Variants in CDH13 observed in about 807,000 individuals in gnomAD.
The protein encoded by CDH13 is cadherin 13, also known as cadherin-13.
CDH13 carries 24 observed loss-of-function variants against 63.8 expected under a neutral mutation model. The observed-to-expected ratio is 0.38, with a 90% confidence interval of 0.27 to 0.53. CDH13 has a LOEUF of 0.53. Ranked by LOEUF, CDH13 falls within the 20% of genes least tolerant of loss-of-function variation. The pLI is 0.85. For missense variants in CDH13, 1,049 were observed against 903.1 expected (o/e 1.16, Z -2.07); for synonymous variants, 503 against 355.3 (o/e 1.42, Z -4.67).
At chr16:83,331,192 T>C (rs2090473435) in intron 5 of CDH13, among the ~76,000 whole-genome samples, 1 of 152,116 alleles carries the variant, frequency 6.6e-6, no homozygotes, top group Non-Finnish European at 1.5e-5. Context: ...ATCTCAGCTG[T>C]TTTCTAGTTC....
intron 1 of CDH13, among the ~76,000 whole-genome samples, chr16:82,850,950 C>T (rs1421793254): frequency 6.6e-6 from 1 of 152,136 alleles, no homozygotes; most frequent in African/African-American, 2.4e-5. Flanking sequence ...TTTATATGCA[C>T]TGGGAAGCCA....
chr16:82,832,459 C>G (rs1597736702), intron 1 of CDH13, among the ~76,000 whole-genome samples: 1 of 152,112 alleles, frequency 6.6e-6, no homozygotes, highest in African/African-American at 2.4e-5. Context: ...TCCTCCTTCT[C>G]ATCCTCCTTA....
At chr16:83,202,183 G>T (rs954052428) in intron 4 of CDH13, among the ~76,000 whole-genome samples, 5 of 152,136 alleles carry the variant, frequency 3.3e-5, no homozygotes, top group African/African-American at 1.2e-4. Context: ...CGAAAGAAAT[G>T]ATCTTGCCAG....
chr16:83,765,643 G>C (rs1365029416), intron 11 of CDH13, among the ~76,000 whole-genome samples: 1 of 151,988 alleles, frequency 6.6e-6, no homozygotes, highest in Non-Finnish European at 1.5e-5. Flanking sequence ...CTGATCTTAA[G>C]TTTAAAAACA....
chr16:83,126,777 A>C lies in CDH13; in HGVS notation c.483+1276A>C, dbSNP rs763305048. 2.0e-5 allele frequency among the ~76,000 whole-genome samples: 3 copies of C among 152,340 alleles called. No homozygotes were observed. In the East Asian group the frequency reaches 5.8e-4, roughly 29 times the overall value. ...TCTTAATGGCAGTTGCTGTTGAACT[A>C]CTAATTCATTAAATACACAGTACAT... On this transcript the variant is annotated intron_variant, in intron 4 of 13. Coordinates refer to ENST00000567109, the MANE Select transcript of CDH13 (RefSeq NM_001257.5).
At chr16:83,101,708 C>G (rs2034486664) in intron 3 of CDH13, among the ~76,000 whole-genome samples, 2 of 152,118 alleles carry the variant, frequency 1.3e-5, no homozygotes, top group African/African-American at 2.4e-5. Flanking sequence ...GAAGGATAAT[C>G]AATTGAACCT....
At chr16:83,500,338 C>T (rs1279261318) in intron 7 of CDH13, among the ~76,000 whole-genome samples, 91 of 682 alleles carry the variant, frequency 0.13, 42 homozygotes, top group East Asian at 1. Context: ...TCCTCCTCCT[C>T]CTCCTCCTCC....
chr16:83,242,427 C>T (rs1159082933), intron 5 of CDH13, among the ~76,000 whole-genome samples: 1 of 148,334 alleles, frequency 6.7e-6, no homozygotes, highest in Non-Finnish European at 1.5e-5. Flanking sequence ...CATTTTCTGA[C>T]ATCAAAAGAT....
chr16:83,174,121 C>G (rs929993200), intron 4 of CDH13, among the ~76,000 whole-genome samples: 3 of 152,130 alleles, frequency 2.0e-5, no homozygotes, highest in African/African-American at 4.8e-5. Flanking sequence ...TGGTATCCCT[C>G]TGCAACATTT....
chr16:83,065,564 G>C (rs940621101), intron 3 of CDH13, among the ~76,000 whole-genome samples: 2 of 152,040 alleles, frequency 1.3e-5, no homozygotes, highest in Non-Finnish European at 2.9e-5. Flanking sequence ...AATTAGCCAG[G>C]TGTGGTGGTG....
At chr16:83,084,009 G>A (rs1421137959) in intron 3 of CDH13, among the ~76,000 whole-genome samples, 1 of 152,214 alleles carries the variant, frequency 6.6e-6, no homozygotes, top group African/African-American at 2.4e-5. Context: ...GAAAGCTGCT[G>A]TGGACCTATC....
rs140733999 is a variant in CDH13, at chr16:83,194,129, A to C, written c.484-23216A>C. ...GTTCCAACCTTTGCGAATATGAAGA[A>C]TGGTTTTTCTAAATTATATAATAGT... On this transcript the variant is annotated intron_variant, in intron 4 of 13. Coordinates refer to ENST00000567109, the MANE Select transcript of CDH13 (RefSeq NM_001257.5). Among the ~76,000 whole-genome samples, 189 of 152,310 alleles carry C rather than the reference A, an allele frequency of 1.2e-3. 2 individuals are homozygous for C. Among genetic ancestry groups the C allele is most frequent in the African/African-American group, 4.4e-3 (183 of 41,570 alleles).
intron 1 of CDH13, among the ~76,000 whole-genome samples, chr16:82,791,472 G>C (rs1364856460): frequency 1.3e-5 from 2 of 152,222 alleles, no homozygotes; most frequent in African/African-American, 2.4e-5. Flanking sequence ...TTCGAGCAGG[G>C]TGTGGTAACC....
chr16:83,235,874 T>C (rs1428930617), intron 5 of CDH13, among the ~76,000 whole-genome samples: 1 of 152,052 alleles, frequency 6.6e-6, no homozygotes, highest in Non-Finnish European at 1.5e-5. Context: ...GCATTCGAGG[T>C]CCTTAAACTT....
At chr16:83,363,369 T>C (rs1235471371) in intron 6 of CDH13, among the ~76,000 whole-genome samples, 3 of 152,202 alleles carry the variant, frequency 2.0e-5, no homozygotes, top group African/African-American at 7.2e-5. Context: ...TGAGTATGCA[T>C]GTGTGCAAGT....
chr16:82,716,278 A>C (rs1228866014), intron 1 of CDH13, among the ~76,000 whole-genome samples: 1 of 152,026 alleles, frequency 6.6e-6, no homozygotes, highest in African/African-American at 2.4e-5. Context: ...GGGAATAGAA[A>C]CTAACAGCCC....
At chr16:82,981,145 C>G (rs906032723) in intron 2 of CDH13, among the ~76,000 whole-genome samples, 3 of 152,182 alleles carry the variant, frequency 2.0e-5, no homozygotes, top group African/African-American at 7.2e-5. Context: ...TGTTTATGAA[C>G]TTTCACTTAG....
intron 1 of CDH13, among the ~76,000 whole-genome samples, chr16:82,852,361 G>C (rs979488694): frequency 6.6e-6 from 1 of 152,188 alleles, no homozygotes; most frequent in African/African-American, 2.4e-5. Context: ...TTGTGGGGCG[G>C]TTCTCCCGAG....
At chr16:82,757,059 T>C (rs1357269024) in intron 1 of CDH13, among the ~76,000 whole-genome samples, 1 of 152,140 alleles carries the variant, frequency 6.6e-6, no homozygotes, top group Non-Finnish European at 1.5e-5. Context: ...CATGGGGACA[T>C]TGACGCTCCT....
Sources: allele counts gnomAD v4.1 joint callset (sites outside exome capture counted in the v4.1 genomes callset), GRCh38; gene constraint gnomAD v4.1.1; transcripts MANE v1.5; gene names NCBI Gene and HGNC (gene_info 2026-07-23, HGNC 2026-07-21).